Variants in TRABD2B observed in about 807,000 individuals in gnomAD.
TRABD2B encodes the protein TraB domain containing 2B.
A neutral mutation model predicts 40.1 loss-of-function variants in TRABD2B; 14 were observed. The ratio of observed to expected loss-of-function variants is 0.35; its 90% CI spans 0.23 to 0.55. TRABD2B has a LOEUF of 0.55. Among genes scored for constraint, TRABD2B ranks in the 20% least tolerant of loss-of-function variants. The probability of loss-of-function intolerance (pLI) is 0.90; values close to 1 mark genes in which losing one functional copy is unlikely to be tolerated. For missense variants in TRABD2B, 541 were observed against 648.6 expected, an observed-to-expected ratio of 0.83 and a Z score of 1.80; for synonymous variants, 263 against 277.0, an observed-to-expected ratio of 0.95 and a Z score of 0.50.
intron 3 of TRABD2B, 22 bp downstream of exon 3, chr1:47,801,451 G>C (rs1644821915): frequency 7.8e-6 from 12 of 1,534,374 alleles, no homozygotes; most frequent in Non-Finnish European, 1.0e-5. Flanking sequence ...CAGGTATCCA[G>C]GTCTTTGGAG....
chr1:47,826,959 C>A (rs1205802631), intron 2 of TRABD2B, among the ~76,000 whole-genome samples: 1 of 152,158 alleles, frequency 6.6e-6, no homozygotes, highest in Non-Finnish European at 1.5e-5. Flanking sequence ...TCTGTAGTGA[C>A]CCCCACACAC....
chr1:47,785,559 C>T (rs978016880), intron 4 of TRABD2B, among the ~76,000 whole-genome samples: 2 of 152,232 alleles, frequency 1.3e-5, no homozygotes, highest in African/African-American at 4.8e-5. Context: ...AGAGGAGCAA[C>T]CCTGCTGAGG....
intron 2 of TRABD2B, among the ~76,000 whole-genome samples, chr1:47,905,792 A>G (rs1644668751): frequency 6.6e-6 from 1 of 152,060 alleles, no homozygotes; most frequent in African/African-American, 2.4e-5. Context: ...AGTCATACAT[A>G]TTTTGGAGGG....
chr1:47,914,337 A>G (rs1466493833), intron 2 of TRABD2B, among the ~76,000 whole-genome samples: 1 of 152,260 alleles, frequency 6.6e-6, no homozygotes, highest in African/African-American at 2.4e-5. Flanking sequence ...GCTCACAAGC[A>G]CAAGTGTTTT....
intron 2 of TRABD2B, among the ~76,000 whole-genome samples, chr1:47,844,923 C>T (rs2124499017): frequency 6.6e-6 from 1 of 152,270 alleles, no homozygotes; most frequent in South Asian, 2.1e-4. Flanking sequence ...AACTGCAGTT[C>T]TTTGAGCAAG....
At chr1:47,951,792 G>A (rs907225141) in intron 2 of TRABD2B, among the ~76,000 whole-genome samples, 1 of 152,186 alleles carries the variant, frequency 6.6e-6, no homozygotes, top group Non-Finnish European at 1.5e-5. Context: ...TCTCAGTGAG[G>A]TGACAGCAGT....
At chr1:47,781,495 G>A (rs761367635) in intron 4 of TRABD2B, among the ~76,000 whole-genome samples, 3 of 152,178 alleles carry the variant, frequency 2.0e-5, no homozygotes, top group African/African-American at 4.8e-5. Flanking sequence ...AGCACTGCGC[G>A]GCAATGGTCC....
At chr1:47,843,964 G>A (rs746633659) in intron 2 of TRABD2B, among the ~76,000 whole-genome samples, 1 of 152,148 alleles carries the variant, frequency 6.6e-6, no homozygotes, top group Non-Finnish European at 1.5e-5. Context: ...CCAGCCCCAG[G>A]CCCGTAACAT....
At chr1:47,975,694 C>T (rs537993330) in intron 2 of TRABD2B, among the ~76,000 whole-genome samples, 1 of 152,342 alleles carries the variant, frequency 6.6e-6, no homozygotes, top group South Asian at 2.1e-4. Flanking sequence ...GCTTAACAGC[C>T]AGCTCTTGTC....
At chr1:47,936,105 C>A (rs1645103430) in intron 2 of TRABD2B, among the ~76,000 whole-genome samples, 2 of 152,202 alleles carry the variant, frequency 1.3e-5, no homozygotes, top group Non-Finnish European at 2.9e-5. Context: ...TATGAGGTCT[C>A]TCCTCTCTCT....
chr1:47,777,560 C>T (rs1309941004), intron 5 of TRABD2B, among the ~76,000 whole-genome samples: 1 of 152,194 alleles, frequency 6.6e-6, no homozygotes, highest in African/African-American at 2.4e-5. Context: ...CCTCATGTTC[C>T]TCAAGGATAA....
Position 47,838,659 on chromosome 1 carries a change from T to C in TRABD2B, c.667-37040A>G, listed in dbSNP as rs74513731. On this transcript the variant is annotated intron_variant, in intron 2 of 6. Coordinates refer to ENST00000606738, the MANE Select transcript of TRABD2B (RefSeq NM_001194986.2). ...GACTAAGTCCCTTTGGTGACACTTG[T>C]AAGGAGACGCAGTGTAAACCACAAA... 4.5e-3 allele frequency among the ~76,000 whole-genome samples: 679 copies of C among 152,256 alleles called. 21 individuals are homozygous for C. The East Asian group carries it at 0.05, about 11-fold the overall frequency.
At position 47,997,011 on chromosome 1, in the gene TRABD2B, C is replaced by T. The variant is rs2148471888; in HGVS notation, c.-222G>A. ...GAGGGAGACCCTCTAGGGCTGGGCC[C>T]CTCCCCCGGGCGCTCAACCTCGCTG... On this transcript the variant is annotated 5_prime_UTR_variant, in exon 1 of 7. Transcript: ENST00000606738. 1.9e-6 allele frequency: 2 copies of T among 1,078,268 alleles called. No homozygotes were observed. The highest frequency in any genetic ancestry group is 6.2e-5 in the East Asian group (1 of 16,018). The allele number at this position is 1,078,268 out of a possible 1,614,324, so 66.8% of individuals were successfully genotyped here.
chr1:47,916,042 T>C (rs1315546781), intron 2 of TRABD2B, among the ~76,000 whole-genome samples: 1 of 151,182 alleles, frequency 6.6e-6, no homozygotes. Context: ...GGACCTGGGG[T>C]TGCTGAGGAC....
intron 2 of TRABD2B, among the ~76,000 whole-genome samples, chr1:47,862,702 A>C (rs949537982): frequency 6.6e-6 from 1 of 152,134 alleles, no homozygotes; most frequent in Non-Finnish European, 1.5e-5. Context: ...TCAAAATCCC[A>C]CCAAGTTATT....
chr1:47,905,342 C>A (rs1006538026), intron 2 of TRABD2B, among the ~76,000 whole-genome samples: 1 of 152,202 alleles, frequency 6.6e-6, no homozygotes, highest in African/African-American at 2.4e-5. Context: ...GAGGAGCCGT[C>A]CTGGCAGCTG....
chr1:47,973,881 A>G (rs1294290154), intron 2 of TRABD2B, among the ~76,000 whole-genome samples: 1 of 152,202 alleles, frequency 6.6e-6, no homozygotes, highest in Admixed American at 6.5e-5. Flanking sequence ...GGGTGGGCCA[A>G]TAGCTTGAGC....
chr1:47,974,036 C>A lies in TRABD2B; in HGVS notation c.666+19998G>T, dbSNP rs551702882. Among the ~76,000 whole-genome samples, 5 of 152,156 alleles carry A rather than the reference C, an allele frequency of 3.3e-5. No homozygotes were observed. The South Asian group carries it at 1.0e-3, about 32-fold the overall frequency. On this transcript the variant is annotated intron_variant, in intron 2 of 6. Transcript: ENST00000606738. ...GGAGGATAGCTTGAGCCTGGAAGGT[C>A]GAGGCTGCAGTGAGCCATGATCACA...
chr1:47,833,092 T>C (rs927411300), intron 2 of TRABD2B, among the ~76,000 whole-genome samples: 1 of 152,210 alleles, frequency 6.6e-6, no homozygotes, highest in African/African-American at 2.4e-5. Context: ...ACTTGTATTT[T>C]AGCAAATCAG....
Sources: gnomAD v4.1 joint callset for allele counts (sites outside exome capture counted in the v4.1 genomes callset) on GRCh38, gnomAD v4.1.1 for gene constraint, MANE v1.5 for transcripts, NCBI Gene and HGNC (gene_info 2026-07-23, HGNC 2026-07-21) for gene names.